Variants in ACSL3 observed in about 807,000 individuals in gnomAD.
The protein encoded by ACSL3 is fatty acid CoA ligase Acsl3.
Under a neutral mutation model 84.7 loss-of-function variants are expected in ACSL3, and 34 were observed. That is an observed-to-expected ratio of 0.40 (90% CI 0.31 to 0.53). The LOEUF (loss-of-function observed/expected upper bound fraction) is 0.53, where lower values mean the gene tolerates loss of function less well. ACSL3 is among the 20% of genes least tolerant of loss of function. The pLI is 0.48. For synonymous variants in ACSL3, 315 were observed against 299.4 expected (o/e 1.05, Z -0.54); for missense variants, 680 against 873.1 (o/e 0.78, Z 2.79).
At position 222,911,561 on chromosome 2, in the gene ACSL3, A is replaced by C. The variant is rs547831310; in HGVS notation, c.378+2411A>C. Among the ~76,000 whole-genome samples the C allele has an allele frequency of 2.6e-5, 4 of 152,336 alleles. No individual in the cohort carries two copies. In the South Asian group the frequency reaches 8.3e-4, roughly 32 times the overall value. The stretch of plus-strand genomic sequence containing the variant: ...CATATATACAGAAGTCTTATGTTTC[A>C]GGAAGCTTCGTTTTTCTCCGGTATC... On this transcript the variant is annotated intron_variant, in intron 4 of 16. Transcript: ENST00000357430.
chr2:222,901,950 A>AG (rs1696163485), intron 3 of ACSL3, among the ~76,000 whole-genome samples: 2 of 39,870 alleles, frequency 5.0e-5, no homozygotes, highest in East Asian at 5.6e-3. Context: ...TCTCAAAAAA[A>AG]AAAAAAAAAA....
rs747482635 is a variant in ACSL3 at position 222,884,152 on chromosome 2, A to AT, written c.-206-3677dup. 8.5e-5 allele frequency among the ~76,000 whole-genome samples: 13 copies of AT among 152,302 alleles called. No homozygotes were observed. In the East Asian group the frequency reaches 2.1e-3, roughly 25 times the overall value. On this transcript the variant is annotated intron_variant, in intron 1 of 16. Coordinates refer to ENST00000357430, the MANE Select transcript of ACSL3 (RefSeq NM_004457.5). ...TTCTGTCTGGATTTTGAATTTTTAAATGGTTTTCCTGTTTCTAGTTTCTTT... is the reference window on the plus strand; with the variant it reads ...TTCTGTCTGGATTTTGAATTTTTAAATTGGTTTTCCTGTTTCTAGTTTCTTT...
chr2:222,913,556 TCC>T (rs1406229174), intron 4 of ACSL3, among the ~76,000 whole-genome samples: 2 of 151,970 alleles, frequency 1.3e-5, no homozygotes, highest in Non-Finnish European at 2.9e-5. Context: ...CCTTACAGCC[TCC>T]CCCCGCCTTT....
At chr2:222,927,732 G>A (rs1008693026) in intron 12 of ACSL3, among the ~76,000 whole-genome samples, 3 of 152,176 alleles carry the variant, frequency 2.0e-5, no homozygotes, top group Non-Finnish European at 2.9e-5. Context: ...GGCCTCATGC[G>A]TCCCTTTTAT....
chr2:222,912,333 TCTTGTTA>T (rs1395041753), intron 4 of ACSL3, among the ~76,000 whole-genome samples: 7 of 152,200 alleles, frequency 4.6e-5, no homozygotes, highest in African/African-American at 1.4e-4. Context: ...TCTCTTGGTT[TCTTGTTA>T]CACCCATTGC....
intron 7 of ACSL3, among the ~76,000 whole-genome samples, chr2:222,920,444 T>C (rs961860806): frequency 3.3e-5 from 5 of 152,220 alleles, no homozygotes; most frequent in African/African-American, 1.2e-4. Flanking sequence ...GCTGGTACTC[T>C]TCTGATTTCA....
At chr2:222,904,829 C>CA (rs1696251290) in intron 3 of ACSL3, 1 of 155,116 alleles carries the variant, frequency 6.4e-6, no homozygotes, top group Non-Finnish European at 1.5e-5. Context: ...GGTTCGAGTT[C>CA]ACTCTACTGC....
At position 222,919,185 on chromosome 2, in the gene ACSL3, G is replaced by C; in HGVS notation, c.788G>C (p.Gly263Ala). 4 of 1,614,080 alleles carry C rather than the reference G, an allele frequency of 2.5e-6. No homozygotes were observed. The highest frequency in any genetic ancestry group is 3.4e-6 in the Non-Finnish European group (4 of 1,179,960). ...ACCATGGCTGCAGTGGAGGCCCTGG[G>C]AGCCAAGGCCAGCATGGGTATGTTA... ...VHTMAAVEAL[G>A]AKASMENQPH... The change falls in exon 7 of 17, where the codon GGA becomes GCA. Residue 263 changes from glycine to alanine, a missense_variant. Physicochemically the swap from Gly to Ala is moderately conservative, Grantham distance 60 (BLOSUM62 0). Coordinates refer to ENST00000357430, the MANE Select transcript of ACSL3 (RefSeq NM_004457.5).
chr2:222,868,826 T>C (rs1695218785), intron 1 of ACSL3, among the ~76,000 whole-genome samples: 1 of 151,902 alleles, frequency 6.6e-6, no homozygotes, highest in Non-Finnish European at 1.5e-5. Flanking sequence ...ACAAATTAGC[T>C]GGGTGTGGTA....
At chr2:222,899,336 G>A (rs1033714997) in intron 2 of ACSL3, among the ~76,000 whole-genome samples, 2 of 130,402 alleles carry the variant, frequency 1.5e-5, no homozygotes, top group African/African-American at 3.2e-5. Flanking sequence ...TTAGCTGGGC[G>A]TGGTGGCAGG....
chr2:222,902,608 T>C (rs1231780127), intron 3 of ACSL3, among the ~76,000 whole-genome samples: 1 of 152,240 alleles, frequency 6.6e-6, no homozygotes, highest in Non-Finnish European at 1.5e-5. Flanking sequence ...TCCAGGTTCT[T>C]GTCTCATGAC....
At chr2:222,889,314 A>G (rs1204953107) in intron 2 of ACSL3, among the ~76,000 whole-genome samples, 3 of 152,146 alleles carry the variant, frequency 2.0e-5, no homozygotes, top group Non-Finnish European at 1.5e-5. Flanking sequence ...AAGAAGTACT[A>G]TGGTACAGTG....
chr2:222,882,759 C>CTTTTT (rs1559280568), intron 1 of ACSL3, among the ~76,000 whole-genome samples: 2 of 61,010 alleles, frequency 3.3e-5, no homozygotes, highest in Non-Finnish European at 5.7e-5. Context: ...CTCCAGATCA[C>CTTTTT]TGTTTTTTTT....
At chr2:222,922,948 T>TA in intron 9 of ACSL3, 117 bp downstream of exon 9, 1 of 1,454,840 alleles carries the variant, frequency 6.9e-7, no homozygotes, top group Non-Finnish European at 9.4e-7. Flanking sequence ...AAATGAGCTT[T>TA]AGCCTTTTAA....
intron 1 of ACSL3, among the ~76,000 whole-genome samples, chr2:222,884,310 G>A (rs959917553): frequency 1.3e-5 from 2 of 152,202 alleles, no homozygotes; most frequent in African/African-American, 4.8e-5. Context: ...ACTTAGGGCA[G>A]CAAACATTCA....
At chr2:222,907,855 G>GCTCT in intron 3 of ACSL3, among the ~76,000 whole-genome samples, 1 of 151,710 alleles carries the variant, frequency 6.6e-6, no homozygotes, top group East Asian at 1.9e-4. Flanking sequence ...CACATGGTAC[G>GCTCT]CTCTCTCTTC....
At chr2:222,911,301 G>A (rs566208870) in intron 4 of ACSL3, among the ~76,000 whole-genome samples, 36 of 152,122 alleles carry the variant, frequency 2.4e-4, no homozygotes, top group Middle Eastern at 3.4e-3. Flanking sequence ...CGCCCACCTC[G>A]GCCTCCCAAA....
chr2:222,930,121 G>A (rs908375803), intron 13 of ACSL3, among the ~76,000 whole-genome samples: 5 of 151,718 alleles, frequency 3.3e-5, no homozygotes, highest in African/African-American at 1.2e-4. Flanking sequence ...GTAGAGGTGG[G>A]GTTTCACCAT....
chr2:222,907,246 G>T (rs922984965), intron 3 of ACSL3, among the ~76,000 whole-genome samples: 1 of 152,152 alleles, frequency 6.6e-6, no homozygotes, highest in East Asian at 1.9e-4. Context: ...GATGCATCTG[G>T]GGTAGAGCTT....
Sources: gnomAD v4.1 joint callset for allele counts (sites outside exome capture counted in the v4.1 genomes callset) on GRCh38, gnomAD v4.1.1 for gene constraint, MANE v1.5 for transcripts, NCBI Gene and HGNC (gene_info 2026-07-23, HGNC 2026-07-21) for gene names.